The following GRM8 variants were observed in gnomAD, a reference collection of about 807,000 sequenced individuals.
GRM8 encodes the protein glutamate metabotropic receptor 8.
A neutral mutation model predicts 87.2 loss-of-function variants in GRM8; 47 were observed. The observed-to-expected ratio is 0.54, with a 90% CI of 0.43 to 0.69. GRM8 has a LOEUF of 0.69. GRM8 is among the 30% of genes least tolerant of loss of function. The pLI, the probability that GRM8 is intolerant of heterozygous loss-of-function variation, is 0.00. For missense variants in GRM8, 1,019 were observed against 1,139.2 expected (o/e 0.89, Z 1.52); for synonymous variants, 396 against 404.5 (o/e 0.98, Z 0.25).
rs112859826 is a variant in GRM8, at chr7:126,488,485, CA to C, written c.2431-42114del. Among the ~76,000 whole-genome samples the C allele has an allele frequency of 7.4e-3, 1,126 of 152,140 alleles. 15 individuals are homozygous for C. The highest frequency in any genetic ancestry group is 0.026 in the African/African-American group (1,081 of 41,544). ...AATTCTTATACCTAACATCCATCCA[CA>C]ATCTTGTTCCACTCTATTGATAACC... On this transcript the variant is annotated intron_variant, in intron 9 of 10. Transcript: ENST00000339582.
intron 7 of GRM8, among the ~76,000 whole-genome samples, chr7:126,652,765 T>C (rs1463351000): frequency 6.6e-6 from 1 of 152,182 alleles, no homozygotes; most frequent in African/African-American, 2.4e-5. Flanking sequence ...TGTGAGTTAA[T>C]TCCTTAATAA....
chr7:126,961,993 C>T (rs1241898587), intron 3 of GRM8, among the ~76,000 whole-genome samples: 1 of 151,984 alleles, frequency 6.6e-6, no homozygotes, highest in African/African-American at 2.4e-5. Flanking sequence ...CTCCCTTCTC[C>T]CCTCTCCTAA....
intron 7 of GRM8, among the ~76,000 whole-genome samples, chr7:126,719,728 A>G (rs2151448439): frequency 6.6e-6 from 1 of 152,062 alleles, no homozygotes; most frequent in Admixed American, 6.5e-5. Context: ...AAAATGCCAC[A>G]CAATTCACCA....
chr7:126,854,483 G>T (rs1490266091), intron 6 of GRM8, among the ~76,000 whole-genome samples: 2 of 152,160 alleles, frequency 1.3e-5, no homozygotes, highest in Non-Finnish European at 2.9e-5. Context: ...AGAATCCACA[G>T]AATTTCTGAC....
At chr7:127,114,062 G>C (rs943181654) in intron 2 of GRM8, among the ~76,000 whole-genome samples, 2 of 152,158 alleles carry the variant, frequency 1.3e-5, no homozygotes, top group African/African-American at 4.8e-5. Context: ...ACTACCCCAA[G>C]TTTGCATCCA....
chr7:126,657,935 C>T (rs911976339), intron 7 of GRM8, among the ~76,000 whole-genome samples: 3 of 152,130 alleles, frequency 2.0e-5, no homozygotes, highest in Admixed American at 6.5e-5. Flanking sequence ...TCTCTAAAGC[C>T]GGAAACGACA....
intron 3 of GRM8, among the ~76,000 whole-genome samples, chr7:126,921,801 A>C (rs1036368273): frequency 1.3e-5 from 2 of 152,176 alleles, no homozygotes; most frequent in African/African-American, 4.8e-5. Flanking sequence ...CCTTCCATGC[A>C]TACCTTTTTT....
At chr7:126,703,333 G>A (rs2151402720) in intron 7 of GRM8, among the ~76,000 whole-genome samples, 2 of 152,276 alleles carry the variant, frequency 1.3e-5, no homozygotes, top group Middle Eastern at 3.4e-3. Flanking sequence ...ACATATGTTT[G>A]AAGCATCAAG....
At chr7:126,818,341 A>C (rs1300138222) in intron 6 of GRM8, among the ~76,000 whole-genome samples, 1 of 152,170 alleles carries the variant, frequency 6.6e-6, no homozygotes, top group Admixed American at 6.5e-5. Context: ...TTAAATCTAA[A>C]TTTAATTTTC....
intron 6 of GRM8, among the ~76,000 whole-genome samples, chr7:126,878,934 A>C (rs1799776638): frequency 1.3e-5 from 2 of 150,858 alleles, no homozygotes; most frequent in Admixed American, 1.3e-4. Flanking sequence ...AGGTGGAGGC[A>C]GGTCGATCAC....
chr7:127,227,939 G>A (rs966852206), intron 2 of GRM8, among the ~76,000 whole-genome samples: 1 of 152,176 alleles, frequency 6.6e-6, no homozygotes, highest in African/African-American at 2.4e-5. Flanking sequence ...AGCGATATAC[G>A]GAGAGTATGA....
At chr7:127,057,701 A>G (rs7795745) in intron 3 of GRM8, among the ~76,000 whole-genome samples, 12,129 of 152,144 alleles carry the variant, frequency 0.08, 526 homozygotes, top group South Asian at 0.13. Context: ...TTTACCTGGC[A>G]CTCTATGAGG....
chr7:126,619,068 T>G (rs1018119299), intron 7 of GRM8, among the ~76,000 whole-genome samples: 1 of 152,228 alleles, frequency 6.6e-6, no homozygotes, highest in African/African-American at 2.4e-5. Flanking sequence ...TAAAGGCACT[T>G]GCACACGTAT....
intron 2 of GRM8, among the ~76,000 whole-genome samples, chr7:127,201,981 T>C (rs10251787): frequency 0.21 from 32,122 of 152,120 alleles, 3,608 homozygotes; most frequent in Middle Eastern, 0.31. Context: ...AAATGAACTA[T>C]TTTGATGCTG....
intron 3 of GRM8, among the ~76,000 whole-genome samples, chr7:127,034,732 G>A (rs937820698): frequency 6.6e-6 from 1 of 152,132 alleles, no homozygotes; most frequent in African/African-American, 2.4e-5. Context: ...AAGCAAAATT[G>A]TACTCACTTT....
intron 7 of GRM8, among the ~76,000 whole-genome samples, chr7:126,687,045 G>A (rs2151355006): frequency 6.6e-6 from 1 of 152,212 alleles, no homozygotes; most frequent in East Asian, 1.9e-4. Flanking sequence ...ACAGAAAACT[G>A]AATAAAACCA....
At chr7:127,150,537 T>G (rs890070148) in intron 2 of GRM8, among the ~76,000 whole-genome samples, 3 of 152,122 alleles carry the variant, frequency 2.0e-5, no homozygotes, top group Admixed American at 6.6e-5. Flanking sequence ...TGGTGCCCAG[T>G]GCTACACTAA....
chr7:127,206,408 G>A (rs1237417688), intron 2 of GRM8, among the ~76,000 whole-genome samples: 1 of 152,174 alleles, frequency 6.6e-6, no homozygotes, highest in African/African-American at 2.4e-5. Context: ...CCATACTCCT[G>A]TATGGCATTC....
intron 10 of GRM8, among the ~76,000 whole-genome samples, chr7:126,440,280 C>T (rs1801312215): frequency 6.6e-6 from 1 of 151,704 alleles, no homozygotes; most frequent in South Asian, 2.1e-4. Context: ...AGCATAGTGG[C>T]ACATGCCTGT....
Sources: allele counts gnomAD v4.1 joint callset (sites outside exome capture counted in the v4.1 genomes callset), GRCh38; gene constraint gnomAD v4.1.1; transcripts MANE v1.5; gene names NCBI Gene and HGNC (gene_info 2026-07-23, HGNC 2026-07-21).